The following GLIS3 variants were observed in gnomAD, a reference collection of about 807,000 sequenced individuals.
GLIS3 encodes the protein GLIS family zinc finger 3, also known as zinc finger protein GLIS3.
In GLIS3, 53 loss-of-function variants were observed where a neutral mutation model predicts 78.6. The observed-to-expected ratio is 0.67, with a 90% CI of 0.54 to 0.85. GLIS3 has a LOEUF of 0.85. Among genes scored for constraint, GLIS3 ranks in the 40% least tolerant of loss-of-function variants. GLIS3 has a pLI of 0.00. For missense variants in GLIS3, 1,703 were observed against 1,231.1 expected (o/e 1.38, Z -5.74); for synonymous variants, 684 against 509.9 (o/e 1.34, Z -4.60).
chr9:3,919,203 A>G (rs979652887), intron 6 of GLIS3, among the ~76,000 whole-genome samples: 1 of 152,214 alleles, frequency 6.6e-6, no homozygotes, highest in Admixed American at 6.5e-5. Context: ...CATGCCAAGA[A>G]CTTGTTGATA....
intron 2 of GLIS3, among the ~76,000 whole-genome samples, chr9:4,190,617 T>C (rs1818245339): frequency 6.6e-6 from 1 of 151,460 alleles, no homozygotes; most frequent in Non-Finnish European, 1.5e-5. Context: ...TGCAGGATAT[T>C]ATCCAGGAGA....
intron 2 of GLIS3, among the ~76,000 whole-genome samples, chr9:4,127,455 G>A (rs1270423568): frequency 6.6e-6 from 1 of 151,874 alleles, no homozygotes; most frequent in Non-Finnish European, 1.5e-5. Flanking sequence ...CCATCTTCTT[G>A]TGCCTTAAAA....
At chr9:4,348,325 C>T (rs1817921737) in exon 1 of GLIS3, 1 of 138,128 alleles carries the variant, frequency 7.2e-6, no homozygotes. Context: ...GTTCAGCACC[C>T]TCGGGAAACA....
the GLIS3 span, among the ~76,000 whole-genome samples, chr9:4,433,887 G>C: frequency 3.9e-5 from 6 of 152,158 alleles, no homozygotes; most frequent in Non-Finnish European, 7.3e-5. Flanking sequence ...ATGAGCTCAA[G>C]AGTTAGAGAC....
intron 2 of GLIS3, among the ~76,000 whole-genome samples, chr9:4,197,783 A>G (rs1278267236): frequency 6.6e-6 from 1 of 152,162 alleles, no homozygotes; most frequent in Non-Finnish European, 1.5e-5. Context: ...GCTCTTACTC[A>G]TCTGCGCCAT....
chr9:4,236,602 G>T (rs998304746), intron 2 of GLIS3, among the ~76,000 whole-genome samples: 3 of 152,112 alleles, frequency 2.0e-5, no homozygotes, highest in Non-Finnish European at 2.9e-5. Flanking sequence ...TTAAAGCACA[G>T]CAGTCTAATT....
In GLIS3 at chr9:4,165,754, C is replaced by G. The variant is rs113562017; in HGVS notation, c.389-39813G>C. 3.7e-3 allele frequency among the ~76,000 whole-genome samples: 561 copies of G among 152,232 alleles called. 4 individuals carry two copies. The highest frequency in any genetic ancestry group is 0.012 in the African/African-American group (510 of 41,528). ...ACAAATATACAGTTGGAAAGGAGAGCCTAGAAATGGGGCTAGAACAAGTTT... is the reference window on the plus strand; with the variant it reads ...ACAAATATACAGTTGGAAAGGAGAGGCTAGAAATGGGGCTAGAACAAGTTT... On this transcript the variant is annotated intron_variant, in intron 2 of 10. Coordinates refer to ENST00000381971, the MANE Select transcript of GLIS3 (RefSeq NM_001042413.2).
At chr9:4,005,237 T>C (rs376313489) in intron 4 of GLIS3, among the ~76,000 whole-genome samples, 2 of 152,230 alleles carry the variant, frequency 1.3e-5, no homozygotes, top group African/African-American at 4.8e-5. Context: ...GCAATGCTTA[T>C]CAAAATTTGA....
At chr9:4,232,769 A>C (rs1822387709) in intron 2 of GLIS3, among the ~76,000 whole-genome samples, 1 of 152,216 alleles carries the variant, frequency 6.6e-6, no homozygotes, top group South Asian at 2.1e-4. Context: ...TATCTGTGTC[A>C]TTCCTATTCT....
intron 2 of GLIS3, among the ~76,000 whole-genome samples, chr9:4,180,395 T>C (rs926801232): frequency 6.6e-6 from 1 of 152,192 alleles, no homozygotes; most frequent in Non-Finnish European, 1.5e-5. Flanking sequence ...CCTAGCTCAA[T>C]GGGCAGGCTT....
intron 8 of GLIS3, among the ~76,000 whole-genome samples, chr9:3,863,588 A>G (rs1314847246): frequency 6.6e-6 from 1 of 152,266 alleles, no homozygotes; most frequent in Admixed American, 6.5e-5. Context: ...GGAAAAGACC[A>G]GGACTCAAAA....
At chr9:4,277,544 T>A (rs1395821647) in intron 2 of GLIS3, among the ~76,000 whole-genome samples, 2 of 152,228 alleles carry the variant, frequency 1.3e-5, no homozygotes, top group Non-Finnish European at 2.9e-5. Context: ...ATTAGTTTGG[T>A]GTCCTTTGTT....
At chr9:4,061,179 T>G (rs1289731576) in intron 4 of GLIS3, among the ~76,000 whole-genome samples, 1 of 151,738 alleles carries the variant, frequency 6.6e-6, no homozygotes, top group African/African-American at 2.4e-5. Context: ...ACTCGTCATT[T>G]ACATTAGGTA....
chr9:4,137,350 C>T (rs763569772), intron 2 of GLIS3, among the ~76,000 whole-genome samples: 22 of 152,174 alleles, frequency 1.4e-4, no homozygotes, highest in Non-Finnish European at 2.6e-4. Flanking sequence ...GTTTATCCCA[C>T]AAAGAACATA....
chr9:4,385,784 A>G, the GLIS3 span, among the ~76,000 whole-genome samples: 5 of 80,894 alleles, frequency 6.2e-5, no homozygotes, highest in East Asian at 7.6e-4. Flanking sequence ...AAAGAAAGAA[A>G]GAAAGAAAGA....
At chr9:4,457,743 G>C in the GLIS3 span, among the ~76,000 whole-genome samples, 16 of 151,662 alleles carry the variant, frequency 1.1e-4, no homozygotes, top group African/African-American at 3.6e-4. Context: ...CCAGCTATTC[G>C]GGAGGCTGAG....
At chr9:4,188,420 G>C (rs1818009531) in intron 2 of GLIS3, among the ~76,000 whole-genome samples, 1 of 148,850 alleles carries the variant, frequency 6.7e-6, no homozygotes, top group Non-Finnish European at 1.5e-5. Flanking sequence ...GAGGATTTTT[G>C]CATCAATGTT....
chr9:3,971,714 TA>T (rs1818395510), intron 4 of GLIS3, among the ~76,000 whole-genome samples: 1 of 152,216 alleles, frequency 6.6e-6, no homozygotes, highest in African/African-American at 2.4e-5. Flanking sequence ...CATTTACACT[TA>T]AGCCTCTAAT....
chr9:4,018,066 G>A (rs979560178), intron 4 of GLIS3, among the ~76,000 whole-genome samples: 7 of 152,122 alleles, frequency 4.6e-5, no homozygotes, highest in South Asian at 2.1e-4. Context: ...TCATAAACAC[G>A]TGCATTTTCG....
Sources: allele counts gnomAD v4.1 joint callset (sites outside exome capture counted in the v4.1 genomes callset), GRCh38; gene constraint gnomAD v4.1.1; transcripts MANE v1.5; gene names NCBI Gene and HGNC (gene_info 2026-07-23, HGNC 2026-07-21).